Variants in CEP85 observed in about 807,000 individuals in gnomAD.
CEP85 encodes centrosomal protein of 85 kDa.
Under a neutral mutation model 93.7 loss-of-function variants are expected in CEP85, and 58 were observed. The ratio of observed to expected loss-of-function variants is 0.62; its 90% CI spans 0.50 to 0.77. The LOEUF is 0.77. Ranked by LOEUF, CEP85 falls within the 30% of genes least tolerant of loss-of-function variation. The pLI is 0.00. For synonymous variants in CEP85, 314 were observed against 338.6 expected (o/e 0.93, Z 0.80); for missense variants, 868 against 922.0 (o/e 0.94, Z 0.76).
At chr1:26,252,100 G>A (rs1303670229) in intron 3 of CEP85, among the ~76,000 whole-genome samples, 5 of 151,910 alleles carry the variant, frequency 3.3e-5, no homozygotes, top group African/African-American at 4.8e-5. Flanking sequence ...GCATGGTGGC[G>A]GGCTCCTGTA....
chr1:26,276,434 G>T (rs1300603794), intron 12 of CEP85, 101 bp from the exon 13 acceptor site: 2 of 882,404 alleles, frequency 2.3e-6, no homozygotes, highest in Non-Finnish European at 1.8e-6. Context: ...GAGGGACACT[G>T]CCTATGACTC....
intron 11 of CEP85, 52 bp from the exon 12 acceptor site, chr1:26,274,912 C>A: frequency 7.0e-7 from 1 of 1,431,706 alleles, no homozygotes; most frequent in Non-Finnish European, 9.6e-7. Flanking sequence ...ATTGTCTGAA[C>A]CAGACTTGTT....
At chr1:26,243,551 A>G (rs998190871) in intron 2 of CEP85, among the ~76,000 whole-genome samples, 2 of 152,176 alleles carry the variant, frequency 1.3e-5, no homozygotes, top group African/African-American at 4.8e-5. Flanking sequence ...TAGGTAGGCA[A>G]GATTATGTTT....
intron 8 of CEP85, 198 bp from the exon 9 acceptor site, chr1:26,269,262 C>T: frequency 1.7e-6 from 1 of 578,222 alleles, no homozygotes; most frequent in Non-Finnish European, 3.1e-6. Flanking sequence ...ATAAGAACTC[C>T]TTCCCCTCCC....
chr1:26,248,173 T>A lies in CEP85; in HGVS notation c.208+3855T>A, dbSNP rs553732057. 9.4e-3 allele frequency among the ~76,000 whole-genome samples: 1,426 copies of A among 152,346 alleles called. 18 individuals carry two copies. The highest frequency in any genetic ancestry group is 0.032 in the African/African-American group (1,323 of 41,566). On this transcript the variant is annotated intron_variant, in intron 3 of 13. Coordinates refer to ENST00000451429, the MANE Select transcript of CEP85 (RefSeq NM_001319944.2). ...GGTTATCAGATTCTGGTCTCCTGAC[T>A]GTGTAATATTCTATCAATTGTGTAA...
chr1:26,253,390 C>CTTT lies in CEP85; in HGVS notation c.209-1766_209-1764dup, dbSNP rs778365418. Among the ~76,000 whole-genome samples the CTTT allele has an allele frequency of 7.0e-3, 937 of 134,622 alleles. 14 individuals are homozygous for CTTT. Among genetic ancestry groups the CTTT allele is most frequent in the African/African-American group, 0.02 (733 of 36,542 alleles). 88.3% of individuals were successfully genotyped at this position (134,622 alleles called of 152,430 possible). On this transcript the variant is annotated intron_variant, in intron 3 of 13. Transcript: ENST00000451429. ...CCTCTCCAAACTTGTTATCTTTCAT[C>CTTT]TTTTTTTTTTTTTTTTTGAGATGGA...
At chr1:26,263,438 C>G (rs979123222) in intron 7 of CEP85, 1 of 160,676 alleles carries the variant, frequency 6.2e-6, no homozygotes, top group Non-Finnish European at 1.4e-5. Context: ...TGGGATGGTT[C>G]CCGGGAAGCA....
In CEP85 at chr1:26,234,247, C is replaced by T. The variant is rs1163534447; in HGVS notation, c.-86C>T. 6.6e-6 allele frequency: 1 copy of T among 152,272 alleles called. No homozygotes were observed. Among genetic ancestry groups the T allele is most frequent in the Non-Finnish European group, 1.5e-5 (1 of 68,094 alleles). The allele number at this position is 152,272 out of a possible 1,614,324, so 9.4% of individuals were successfully genotyped here. A position where few individuals can be genotyped will look rare whatever the true frequency, so the allele number is the denominator to read the frequency against. ...TGAGGGAGGGAACCACCGCTCACCGCAGACGTGGTGGCTGCAGTCAGTCTT... is the reference window on the plus strand; with the variant it reads ...TGAGGGAGGGAACCACCGCTCACCGTAGACGTGGTGGCTGCAGTCAGTCTT... On this transcript the variant is annotated 5_prime_UTR_variant, in exon 1 of 14. Coordinates refer to ENST00000451429, the MANE Select transcript of CEP85 (RefSeq NM_001319944.2).
intron 7 of CEP85, among the ~76,000 whole-genome samples, chr1:26,267,416 T>C (rs1239789649): frequency 6.6e-6 from 1 of 151,970 alleles, no homozygotes; most frequent in Non-Finnish European, 1.5e-5. Context: ...ATAGAAAAAT[T>C]AGCTGGGCAT....
intron 7 of CEP85, among the ~76,000 whole-genome samples, chr1:26,267,429 T>C (rs2124602907): frequency 6.6e-6 from 1 of 152,222 alleles, no homozygotes; most frequent in East Asian, 1.9e-4. Flanking sequence ...CTGGGCATGG[T>C]GGCGGGTGCC....
At chr1:26,236,309 G>A (rs561015160) in intron 1 of CEP85, among the ~76,000 whole-genome samples, 1 of 152,206 alleles carries the variant, frequency 6.6e-6, no homozygotes, top group African/African-American at 2.4e-5. Context: ...GGTAGTAAGT[G>A]CAGAATGCAT....
chr1:26,264,980 CTT>C (rs766050519), intron 7 of CEP85, among the ~76,000 whole-genome samples: 19 of 92,896 alleles, frequency 2.0e-4, no homozygotes, highest in African/African-American at 5.9e-4. Flanking sequence ...CCACACCCGG[CTT>C]TTTTTTTTTT....
intron 3 of CEP85, among the ~76,000 whole-genome samples, chr1:26,248,515 C>T (rs1022589165): frequency 6.6e-6 from 1 of 151,616 alleles, no homozygotes; most frequent in Admixed American, 6.6e-5. Context: ...CTTATTTTTT[C>T]GAGACAGAGT....
At chr1:26,234,423 G>C (rs1465871539) in intron 1 of CEP85, 113 bp downstream of exon 1, 3 of 152,278 alleles carry the variant, frequency 2.0e-5, no homozygotes, top group Admixed American at 1.3e-4. Flanking sequence ...GGGCCGGGGA[G>C]AGCGAAGCGC....
At position 26,277,121 on chromosome 1, in the gene CEP85, T is replaced by C; in HGVS notation, c.2129-15T>C. 6.2e-7 allele frequency: 1 copy of C among 1,609,374 alleles called. No individual in the cohort carries two copies. Among genetic ancestry groups the C allele is most frequent in the Non-Finnish European group, 8.5e-7 (1 of 1,175,944 alleles). Reference sequence around the variant, plus strand: ...CATAACTAACATTCTCTTGAAATGCTCTTCTCCCCAGCAGCACAGCACCCA... The same window carrying C: ...CATAACTAACATTCTCTTGAAATGCCCTTCTCCCCAGCAGCACAGCACCCA... On this transcript the variant is annotated splice_polypyrimidine_tract_variant and intron_variant, in intron 13 of 13. Transcript: ENST00000451429.
chr1:26,275,956 G>T (rs1238347991), intron 12 of CEP85, among the ~76,000 whole-genome samples: 1 of 152,238 alleles, frequency 6.6e-6, no homozygotes, highest in Non-Finnish European at 1.5e-5. Context: ...CTCCACTGAG[G>T]TGAGAGTTTG....
chr1:26,271,053 A>G lies in CEP85; in HGVS notation c.1689A>G (p.Glu563=). ...DKQSVEETSG[E]GPEVEMESWQ... ...AGTCTGTGGAGGAGACCAGTGGAGA[A>G]GGTCCAGAAGTGGAAATGGAGTCCT... The change falls in exon 10 of 14, where the codon GAA becomes GAG. Residue 563 remains glutamate (E), a synonymous_variant. Transcript: ENST00000451429. 1 of 1,613,720 alleles carries G rather than the reference A, an allele frequency of 6.2e-7. No individual in the cohort carries two copies.
At chr1:26,248,385 G>A (rs1338129970) in intron 3 of CEP85, among the ~76,000 whole-genome samples, 1 of 152,112 alleles carries the variant, frequency 6.6e-6, no homozygotes, top group Non-Finnish European at 1.5e-5. Context: ...TTGTGTGTGT[G>A]ACTCTCTTTT....
intron 3 of CEP85, among the ~76,000 whole-genome samples, chr1:26,250,826 A>G (rs934024621): frequency 6.6e-6 from 1 of 151,708 alleles, no homozygotes. Context: ...AGAAGTCCAA[A>G]GGCATAGTGG....
Sources: gnomAD v4.1 joint callset for allele counts (sites outside exome capture counted in the v4.1 genomes callset) on GRCh38, gnomAD v4.1.1 for gene constraint, MANE v1.5 for transcripts, NCBI Gene and HGNC (gene_info 2026-07-23, HGNC 2026-07-21) for gene names.